The following SBK1 variants were observed in gnomAD, a reference collection of about 807,000 sequenced individuals.
SBK1 encodes the protein SH3 domain binding kinase 1.
In SBK1, 11 loss-of-function variants were observed where a neutral mutation model predicts 24.4. That is an observed-to-expected ratio of 0.45 (90% CI 0.28 to 0.75). The LOEUF (loss-of-function observed/expected upper bound fraction) is 0.75, where lower values mean the gene tolerates loss of function less well. Among genes scored for constraint, SBK1 ranks in the 30% least tolerant of loss-of-function variants. SBK1 has a pLI of 0.12. For missense variants in SBK1, 467 were observed against 620.5 expected (o/e 0.75, Z 2.63); for synonymous variants, 308 against 284.4 (o/e 1.08, Z -0.83).
chr16:28,290,340 GAA>G (rs980088493), upstream of SBK1: 1 of 151,984 alleles, frequency 6.6e-6, no homozygotes, highest in African/African-American at 2.4e-5. Flanking sequence ...TTGGATTCTA[GAA>G]AAAAGACAAT....
chr16:28,293,348 C>T (rs1440990334), intron 1 of SBK1, 48 bp downstream of exon 1: 3 of 892,472 alleles, frequency 3.4e-6, no homozygotes, highest in East Asian at 2.4e-4. Flanking sequence ...CCACCGAGGT[C>T]CCCATAGCCC....
intron 1 of SBK1, among the ~76,000 whole-genome samples, chr16:28,283,004 C>A (rs2044543163): frequency 6.6e-6 from 1 of 152,134 alleles, no homozygotes; most frequent in African/African-American, 2.4e-5. Flanking sequence ...GTGATCTCGG[C>A]TCACTGCAAA....
At chr16:28,307,353 G>A (rs879786977) in intron 1 of SBK1, among the ~76,000 whole-genome samples, 11 of 151,924 alleles carry the variant, frequency 7.2e-5, no homozygotes, top group Admixed American at 1.3e-4. Context: ...TCCAATAGGC[G>A]GCAGAGCCAA....
At chr16:28,289,781 A>C (rs552317233), upstream of SBK1, among the ~76,000 whole-genome samples, 102 of 150,710 alleles carry the variant, frequency 6.8e-4, no homozygotes, top group Non-Finnish European at 9.9e-4. Context: ...AAAAAAAAAA[A>C]AACAAAAACA....
At chr16:28,260,076 G>A (rs1241428396) in intron 1 of SBK1, among the ~76,000 whole-genome samples, 1 of 93,038 alleles carries the variant, frequency 1.1e-5, no homozygotes, top group South Asian at 4.2e-4. Flanking sequence ...GCATGCATGT[G>A]TATTTGCTTG....
chr16:28,261,393 G>A lies in SBK1; in HGVS notation c.257+1891G>A, dbSNP rs528045315. Among the ~76,000 whole-genome samples, 16 of 151,308 alleles carry A rather than the reference G, an allele frequency of 1.1e-4. No homozygotes were observed. The East Asian group carries it at 2.7e-3, about 26-fold the overall frequency. ...GTAGATCGCTTGAGCTCAGGAGTTCGAGACCAGCCTAGGCAACACAGTGAG... is the reference window on the plus strand; with the variant it reads ...GTAGATCGCTTGAGCTCAGGAGTTCAAGACCAGCCTAGGCAACACAGTGAG... On this transcript the variant is annotated intron_variant, in intron 1 of 3. Coordinates refer to the SBK1 transcript ENST00000671413.
At chr16:28,282,923 A>G (rs55770295) in intron 1 of SBK1, among the ~76,000 whole-genome samples, 681 of 56,898 alleles carry the variant, frequency 0.012, 1 homozygote, top group African/African-American at 0.033. Context: ...TTATTTATTT[A>G]TTTATTTGTT....
At position 28,318,990 on chromosome 16, in the gene SBK1, A is replaced by G; in HGVS notation, c.227-5A>G. On this transcript the variant is annotated splice_polypyrimidine_tract_variant and splice_region_variant and intron_variant, in intron 2 of 3. Transcript: ENST00000341901. ...CTTCAACCCTGTTGCTGTTGCTCCCATCAGGCACAAAAATGGCACTGAAGT... is the reference window on the plus strand; with the variant it reads ...CTTCAACCCTGTTGCTGTTGCTCCCGTCAGGCACAAAAATGGCACTGAAGT... 1 of 1,613,650 alleles carries G rather than the reference A, an allele frequency of 6.2e-7. No homozygotes were observed. Among genetic ancestry groups the G allele is most frequent in the Non-Finnish European group, 8.5e-7 (1 of 1,179,588 alleles).
intron 1 of SBK1, among the ~76,000 whole-genome samples, chr16:28,307,774 A>G (rs1422202692): frequency 6.6e-6 from 1 of 151,804 alleles, no homozygotes; most frequent in Non-Finnish European, 1.5e-5. Context: ...GAAAGAAAAG[A>G]AAAAATAAAT....
chr16:28,288,841 T>G (rs1407034629), upstream of SBK1, among the ~76,000 whole-genome samples: 1 of 152,116 alleles, frequency 6.6e-6, no homozygotes, highest in Non-Finnish European at 1.5e-5. Flanking sequence ...GGCCACAGCT[T>G]AAATTTAATG....
rs1293574727 is a variant in SBK1, at chr16:28,323,000, T to G, written c.*2079T>G. 7.1e-6 allele frequency: 1 copy of G among 140,952 alleles called. No homozygotes were observed. The highest frequency in any genetic ancestry group is 1.5e-5 in the Non-Finnish European group (1 of 65,434). The allele number at this position is 140,952 out of a possible 1,614,324, so 8.7% of individuals were successfully genotyped here. A position where few individuals can be genotyped will look rare whatever the true frequency, so the allele number is the denominator to read the frequency against. On this transcript the variant is annotated 3_prime_UTR_variant, in exon 4 of 4. Transcript: ENST00000341901. Reference sequence around the variant, plus strand: ...TCTCTCCTCTCTTTCTCTCTCTCCCTCTCTCTGTTAAGATCCTGTTCGGGA... The same window carrying G: ...TCTCTCCTCTCTTTCTCTCTCTCCCGCTCTCTGTTAAGATCCTGTTCGGGA...
At chr16:28,280,137 ATATATATATATATG>A (rs2044521640) in intron 1 of SBK1, among the ~76,000 whole-genome samples, 1 of 59,114 alleles carries the variant, frequency 1.7e-5, no homozygotes, top group Admixed American at 2.3e-4. Flanking sequence ...ATATATATAT[ATATATATATATATG>A]TGTGTGTGTG....
intron 1 of SBK1, among the ~76,000 whole-genome samples, chr16:28,265,312 A>G (rs2141558110): frequency 6.6e-6 from 1 of 152,200 alleles, no homozygotes; most frequent in African/African-American, 2.4e-5. Context: ...CCAGCTACTC[A>G]GGAGGTTGAG....
At chr16:28,290,927 A>G (rs2044594577), upstream of SBK1, 1 of 152,186 alleles carries the variant, frequency 6.6e-6, no homozygotes, top group Non-Finnish European at 1.5e-5. Flanking sequence ...AAGTTGGAAG[A>G]TTTCTGGATG....
Position 28,304,361 on chromosome 16 carries a change from T to C in SBK1, c.-8+11061T>C, listed in dbSNP as rs373745477. Among the ~76,000 whole-genome samples the C allele has an allele frequency of 5.9e-5, 9 of 152,182 alleles. No individual in the cohort carries two copies. In the East Asian group the frequency reaches 1.7e-3, roughly 30 times the overall value. ...CCTGTGGTGCTGAAGACACTGGAGC[T>C]GGAGAGAGGCCTGGCGCTGCGAACC... On this transcript the variant is annotated intron_variant, in intron 1 of 3. Transcript: ENST00000341901.
upstream of SBK1, among the ~76,000 whole-genome samples, chr16:28,289,384 T>C (rs374724252): frequency 5.9e-5 from 9 of 152,234 alleles, no homozygotes; most frequent in East Asian, 7.7e-4. Context: ...ACAGAGTTCT[T>C]AGAAGAGAAC....
intron 1 of SBK1, among the ~76,000 whole-genome samples, chr16:28,294,176 C>T (rs1315900848): frequency 1.3e-5 from 2 of 152,292 alleles, no homozygotes; most frequent in East Asian, 1.9e-4. Flanking sequence ...GTACCCCAGC[C>T]TGGCCCTCAG....
intron 1 of SBK1, chr16:28,285,563 A>G (rs2044560503): frequency 6.6e-6 from 1 of 152,238 alleles, no homozygotes; most frequent in Non-Finnish European, 1.5e-5. Context: ...TCAAAATAAA[A>G]AGACAAAGGA....
At chr16:28,286,023 T>A (rs1032410767) in intron 1 of SBK1, 4 of 152,286 alleles carry the variant, frequency 2.6e-5, no homozygotes, top group African/African-American at 9.6e-5. Flanking sequence ...GGAGAGCTCA[T>A]CAGTACTTGT....
Sources: gnomAD v4.1 joint callset for allele counts (sites outside exome capture counted in the v4.1 genomes callset) on GRCh38, gnomAD v4.1.1 for gene constraint, MANE v1.5 for transcripts, NCBI Gene and HGNC (gene_info 2026-07-23, HGNC 2026-07-21) for gene names.